Variants in EPCIP observed in about 807,000 individuals in gnomAD.
The protein encoded by EPCIP is exosomal polycystin 1 interacting protein.
At chr21:32,809,708 G>C in the EPCIP span, among the ~76,000 whole-genome samples, 1 of 151,966 alleles carries the variant, frequency 6.6e-6, no homozygotes, top group Non-Finnish European at 1.5e-5. Flanking sequence ...TTCGCCTCAT[G>C]CTGGGTATGT....
At chr21:32,796,960 GC>G in the EPCIP span, 2 of 470,766 alleles carry the variant, frequency 4.2e-6, no homozygotes, top group African/African-American at 4.0e-5. Flanking sequence ...TTTAGAGGCA[GC>G]CGTGGAAGAG....
chr21:32,796,773 T>C, the EPCIP span, among the ~76,000 whole-genome samples: 1 of 152,156 alleles, frequency 6.6e-6, no homozygotes, highest in African/African-American at 2.4e-5. Context: ...CAGATTCCAC[T>C]GGAGGCCTCT....
chr21:32,805,311 G>A, the EPCIP span, among the ~76,000 whole-genome samples: 1 of 151,650 alleles, frequency 6.6e-6, no homozygotes. Context: ...CTCCAGAAGT[G>A]TAAAATAATA....
chr21:32,794,410 AGGT>A, the EPCIP span: 1 of 1,611,878 alleles, frequency 6.2e-7, no homozygotes, highest in Non-Finnish European at 8.5e-7. Context: ...AGTGCCTGGA[AGGT>A]GGTGCCATGC....
the EPCIP span, chr21:32,796,949 TTTTA>T: frequency 4.2e-6 from 2 of 470,812 alleles, no homozygotes; most frequent in African/African-American, 4.0e-5. Flanking sequence ...GTGCTGATCC[TTTTA>T]GAGGCAGCCG....
chr21:32,803,637 A>AGAT, the EPCIP span, among the ~76,000 whole-genome samples: 109,138 of 151,906 alleles, frequency 0.72, 39,994 homozygotes, highest in East Asian at 0.91. Flanking sequence ...ACACTATGTA[A>AGAT]GATATTTGAA....
At chr21:32,805,691 A>G in the EPCIP span, among the ~76,000 whole-genome samples, 6 of 152,310 alleles carry the variant, frequency 3.9e-5, no homozygotes, top group African/African-American at 1.4e-4. Context: ...TAGCAGCAAT[A>G]GGAAATGAAT....
chr21:32,800,555 C>T, the EPCIP span, among the ~76,000 whole-genome samples: 3 of 152,330 alleles, frequency 2.0e-5, no homozygotes, highest in East Asian at 1.9e-4. Context: ...TGGTGGCTCA[C>T]GCCTGTAATC....
At chr21:32,809,276 CTTCCTTTCT>C in the EPCIP span, among the ~76,000 whole-genome samples, 1 of 97,888 alleles carries the variant, frequency 1.0e-5, no homozygotes, top group Admixed American at 1.2e-4. Flanking sequence ...TCCCTCCCTC[CTTCCTTTCT>C]TTCTTTCTTT....
chr21:32,813,354 A>G, the EPCIP span, among the ~76,000 whole-genome samples: 1 of 152,218 alleles, frequency 6.6e-6, no homozygotes, highest in South Asian at 2.1e-4. Flanking sequence ...TTCATTTTAA[A>G]GGCAGAATCT....
At chr21:32,797,092 C>T in the EPCIP span, 2 of 448,632 alleles carry the variant, frequency 4.5e-6, no homozygotes, top group Admixed American at 2.6e-5. Flanking sequence ...AGGATGGTCC[C>T]TGCCTCCTGG....
At chr21:32,794,556 G>T in the EPCIP span, 1 of 813,870 alleles carries the variant, frequency 1.2e-6, no homozygotes, top group Non-Finnish European at 1.9e-6. Context: ...AGGAACCCCA[G>T]AAAAAAACAA....
chr21:32,796,922 C>G, the EPCIP span: 667 of 467,974 alleles, frequency 1.4e-3, 2 homozygotes, highest in African/African-American at 0.012. Context: ...AGAAAAGTGT[C>G]TGCCTCCCTG....
At chr21:32,794,594 T>A in the EPCIP span, 1 of 658,514 alleles carries the variant, frequency 1.5e-6, no homozygotes, top group Non-Finnish European at 2.6e-6. Context: ...CTTGCAGTTC[T>A]AGTAACTGTT....
chr21:32,800,817 A>G, the EPCIP span, among the ~76,000 whole-genome samples: 2 of 66,916 alleles, frequency 3.0e-5, no homozygotes, highest in African/African-American at 7.5e-5. Context: ...AAAACAAAAA[A>G]AAAACCAAAA....
the EPCIP span, among the ~76,000 whole-genome samples, chr21:32,800,852 A>C: frequency 3.5e-4 from 53 of 152,192 alleles, no homozygotes; most frequent in African/African-American, 1.2e-3. Flanking sequence ...CACAGTTTTT[A>C]GCATCTTGAC....
chr21:32,802,655 A>G, the EPCIP span, among the ~76,000 whole-genome samples: 1 of 152,204 alleles, frequency 6.6e-6, no homozygotes, highest in Admixed American at 6.5e-5. Context: ...AAGGGGATGG[A>G]GAGAACCAAG....
the EPCIP span, among the ~76,000 whole-genome samples, chr21:32,810,369 C>T: frequency 2.0e-5 from 3 of 149,876 alleles, no homozygotes; most frequent in Non-Finnish European, 4.4e-5. Context: ...CATTCTCCTG[C>T]CTCAGCCTCC....
the EPCIP span, chr21:32,797,682 T>C: frequency 6.6e-6 from 1 of 152,138 alleles, no homozygotes; most frequent in East Asian, 1.9e-4. Flanking sequence ...TTTCATTGAA[T>C]GAATGAAAAA....
Sources: allele counts gnomAD v4.1 joint callset (sites outside exome capture counted in the v4.1 genomes callset), GRCh38; gene constraint gnomAD v4.1.1; transcripts MANE v1.5; gene names NCBI Gene and HGNC (gene_info 2026-07-23, HGNC 2026-07-21).